Variants in CDH19 observed in about 807,000 individuals in gnomAD.
The protein encoded by CDH19 is cadherin-19.
A neutral mutation model predicts 64.2 loss-of-function variants in CDH19; 67 were observed. The ratio of observed to expected loss-of-function variants is 1.04; its 90% CI spans 0.86 to 1.28. The LOEUF (loss-of-function observed/expected upper bound fraction) is 1.28, where lower values mean the gene tolerates loss of function less well. CDH19 is among the 50% of genes most tolerant of loss of function. CDH19 has a pLI of 0.00. For missense variants in CDH19, 1,030 were observed against 929.0 expected (o/e 1.11, Z -1.41); for synonymous variants, 346 against 319.3 (o/e 1.08, Z -0.89).
chr18:66,534,584 T>C (rs1363678631), intron 8 of CDH19, among the ~76,000 whole-genome samples: 1 of 152,050 alleles, frequency 6.6e-6, no homozygotes, highest in East Asian at 1.9e-4. Context: ...TATATTTATT[T>C]CTTTAAGCTT....
At chr18:66,555,963 T>G (rs926821702) in intron 3 of CDH19, among the ~76,000 whole-genome samples, 1 of 151,686 alleles carries the variant, frequency 6.6e-6, no homozygotes, top group African/African-American at 2.4e-5. Context: ...ATTTTCAGAG[T>G]TGACTGAAAT....
intron 9 of CDH19, among the ~76,000 whole-genome samples, chr18:66,514,329 A>C (rs1378140483): frequency 6.6e-6 from 1 of 151,596 alleles, no homozygotes; most frequent in African/African-American, 2.4e-5. Flanking sequence ...TATGTCTCAT[A>C]AAAGTTAGTG....
chr18:66,554,767 A>T (rs1338578732), intron 3 of CDH19, among the ~76,000 whole-genome samples: 2 of 151,828 alleles, frequency 1.3e-5, no homozygotes, highest in Non-Finnish European at 2.9e-5. Flanking sequence ...AATTTTAAAC[A>T]TGTAGATTGA....
At chr18:66,595,523 A>AC (rs1988863729) in intron 1 of CDH19, among the ~76,000 whole-genome samples, 1 of 150,838 alleles carries the variant, frequency 6.6e-6, no homozygotes, top group Non-Finnish European at 1.5e-5. Context: ...AAAAAAAAAA[A>AC]AAAAAAAAAA....
chr18:66,507,745 T>G (rs536487247), intron 11 of CDH19, among the ~76,000 whole-genome samples: 70 of 151,956 alleles, frequency 4.6e-4, no homozygotes, highest in Non-Finnish European at 9.0e-4. Flanking sequence ...TTCTAACATT[T>G]ACTGTCCTTT....
chr18:66,529,623 C>A (rs1392931722), intron 9 of CDH19, among the ~76,000 whole-genome samples: 1 of 146,592 alleles, frequency 6.8e-6, no homozygotes, highest in Non-Finnish European at 1.5e-5. Flanking sequence ...GAATGCATAA[C>A]AAAAATTATT....
chr18:66,513,657 C>A (rs1985599271), intron 9 of CDH19, among the ~76,000 whole-genome samples: 1 of 150,988 alleles, frequency 6.6e-6, no homozygotes, highest in African/African-American at 2.4e-5. Flanking sequence ...ATAAGAAAAA[C>A]TTCTATATGT....
intron 1 of CDH19, among the ~76,000 whole-genome samples, chr18:66,585,486 CAT>C (rs1988550907): frequency 6.6e-6 from 1 of 152,022 alleles, no homozygotes; most frequent in African/African-American, 2.4e-5. Context: ...TCAGTTGTCT[CAT>C]GTGAAAATTG....
intron 3 of CDH19, among the ~76,000 whole-genome samples, chr18:66,555,181 G>A (rs1365862457): frequency 2.0e-5 from 3 of 151,668 alleles, no homozygotes; most frequent in African/African-American, 4.8e-5. Flanking sequence ...TAAAATTAGT[G>A]CTCAGATTTT....
rs1986613785 is a variant in CDH19 at position 66,535,217 on chromosome 18, C to A, written c.1215-110G>T. 5.8e-6 allele frequency: 3 copies of A among 513,352 alleles called. 1 individual carries two copies. The South Asian group carries it at 2.2e-4, about 37-fold the overall frequency. The allele number at this position is 513,352 out of a possible 1,614,324, so 31.8% of individuals were successfully genotyped here. On this transcript the variant is annotated intron_variant, in intron 7 of 11. Coordinates refer to ENST00000262150, the MANE Select transcript of CDH19 (RefSeq NM_021153.4). The stretch of plus-strand genomic sequence containing the variant: ...CTTATTCAATGCATGCTCTACATAG[C>A]CAATATATAATACCGAACAACTTTT...
intron 9 of CDH19, among the ~76,000 whole-genome samples, chr18:66,523,749 G>A (rs558465523): frequency 2.0e-4 from 30 of 151,894 alleles, no homozygotes; most frequent in African/African-American, 6.8e-4. Context: ...ATCCCCACAC[G>A]TCCAGAGAGC....
intron 10 of CDH19, among the ~76,000 whole-genome samples, chr18:66,510,924 A>G (rs2144346014): frequency 6.6e-6 from 1 of 151,814 alleles, no homozygotes; most frequent in Middle Eastern, 3.4e-3. Context: ...TGAGGTATGA[A>G]AAAATTAAAA....
chr18:66,570,022 C>A, intron 2 of CDH19, among the ~76,000 whole-genome samples: 1 of 151,556 alleles, frequency 6.6e-6, no homozygotes, highest in East Asian at 1.9e-4. Flanking sequence ...TCCAGATTGT[C>A]TTTCTGGTAA....
intron 7 of CDH19, among the ~76,000 whole-genome samples, chr18:66,542,131 A>G (rs1028676750): frequency 4.6e-5 from 7 of 152,178 alleles, no homozygotes; most frequent in Admixed American, 6.5e-5. Flanking sequence ...TGTTCCCTGA[A>G]GAACAATGAA....
At chr18:66,515,908 T>A (rs1400796761) in intron 9 of CDH19, among the ~76,000 whole-genome samples, 1 of 151,828 alleles carries the variant, frequency 6.6e-6, no homozygotes, top group Non-Finnish European at 1.5e-5. Flanking sequence ...CAATCATGGA[T>A]AAAGTTAGTC....
rs751356322 is a variant in CDH19, at chr18:66,551,132, A to C, written c.737T>G (p.Leu246Arg). The C allele has an allele frequency of 6.2e-7, 1 of 1,606,456 alleles. No homozygotes were observed. Among genetic ancestry groups the C allele is most frequent in the South Asian group, 1.1e-5 (1 of 90,660 alleles). Reference protein sequence around the residue: ...LSGTTSVLIKLSDVNDNKPIF... With the variant: ...LSGTTSVLIKRSDVNDNKPIF... ...AGGCTTATTGTCATTAACATCTGAA[A>C]GTTTAATTAATACACTTGTTGTTCC... Residue 246 changes from leucine (L) to arginine (R), a missense_variant, in exon 5 of 12, where the codon CTT becomes CGT. Physicochemically the swap from Leu to Arg is moderately radical, Grantham distance 102. Transcript: ENST00000262150.
Position 66,544,045 on chromosome 18 carries a change from A to C in CDH19, c.1140T>G (p.Phe380Leu). 6.2e-7 allele frequency: 1 copy of C among 1,613,864 alleles called. No homozygotes were observed. The highest frequency in any genetic ancestry group is 1.3e-5 in the African/African-American group (1 of 75,034). ...CAAATGATCCCTGTGGGGTTTCTTC[A>C]AAAACTTCAAATACATAATATGGAA... Reference protein sequence around the residue: ...FLLPYYVFEVFEETPQGSFVG... With the variant: ...FLLPYYVFEVLEETPQGSFVG... Residue 380 changes from phenylalanine to leucine, a missense_variant, in exon 7 of 12, where the codon TTT (phenylalanine) becomes TTG (leucine). Coordinates refer to ENST00000262150, the MANE Select transcript of CDH19 (RefSeq NM_021153.4).
intron 10 of CDH19, among the ~76,000 whole-genome samples, chr18:66,509,882 C>T (rs972060450): frequency 6.6e-6 from 1 of 151,784 alleles, no homozygotes; most frequent in African/African-American, 2.4e-5. Context: ...TATCACATTG[C>T]TGTTATTAAT....
intron 1 of CDH19, among the ~76,000 whole-genome samples, chr18:66,599,586 G>A (rs1309766095): frequency 2.0e-5 from 3 of 151,980 alleles, no homozygotes; most frequent in African/African-American, 7.2e-5. Context: ...AATATTTGAG[G>A]TGATGGATAT....
Sources: allele counts gnomAD v4.1 joint callset (sites outside exome capture counted in the v4.1 genomes callset), GRCh38; gene constraint gnomAD v4.1.1; transcripts MANE v1.5; gene names NCBI Gene and HGNC (gene_info 2026-07-23, HGNC 2026-07-21).